Variants in BABAM2 observed in about 807,000 individuals in gnomAD.
BABAM2 encodes BRISC and BRCA1 A complex member 2.
A neutral mutation model predicts 54.7 loss-of-function variants in BABAM2; 31 were observed. The observed-to-expected ratio is 0.57, with a 90% CI of 0.43 to 0.77. The LOEUF (loss-of-function observed/expected upper bound fraction) is 0.77. Ranked by LOEUF, BABAM2 falls within the 30% of genes least tolerant of loss-of-function variation. The pLI, the probability that BABAM2 is intolerant of heterozygous loss-of-function variation, is 0.00. For missense variants in BABAM2, 364 were observed against 455.8 expected, an observed-to-expected ratio of 0.80 and a Z score of 1.83; for synonymous variants, 167 against 162.9, an observed-to-expected ratio of 1.03 and a Z score of -0.19.
At chr2:28,142,895 A>C (rs1671182799) in intron 7 of BABAM2, among the ~76,000 whole-genome samples, 1 of 152,136 alleles carries the variant, frequency 6.6e-6, no homozygotes, top group Non-Finnish European at 1.5e-5. Context: ...TTTTGTGTTC[A>C]TTCAATATGA....
At chr2:28,201,716 G>A (rs1180881773) in intron 7 of BABAM2, among the ~76,000 whole-genome samples, 4 of 152,102 alleles carry the variant, frequency 2.6e-5, no homozygotes, top group South Asian at 2.1e-4. Context: ...TCTCCGCTTC[G>A]TAGCCTCAAC....
chr2:28,143,144 A>AATATATAT (rs144484983), intron 7 of BABAM2, among the ~76,000 whole-genome samples: 1 of 149,892 alleles, frequency 6.7e-6, no homozygotes, highest in African/African-American at 2.4e-5. Context: ...TGGATAAAGA[A>AATATATAT]ATATATATAT....
chr2:28,026,843 A>AATATATATTTATATATATATAT (rs1553414445), intron 5 of BABAM2, among the ~76,000 whole-genome samples: 2 of 40,648 alleles, frequency 4.9e-5, no homozygotes, highest in Admixed American at 3.5e-4. Context: ...AATATATATA[A>AATATATATTTATATATATATAT]ATATATATTT....
intron 2 of BABAM2, among the ~76,000 whole-genome samples, chr2:27,906,844 C>T (rs1354004255): frequency 2.0e-5 from 3 of 151,992 alleles, no homozygotes; most frequent in Non-Finnish European, 4.4e-5. Context: ...GTCTTTTGTC[C>T]CCTCTATTGT....
At chr2:27,945,144 C>T (rs1357534188) in intron 3 of BABAM2, among the ~76,000 whole-genome samples, 1 of 152,008 alleles carries the variant, frequency 6.6e-6, no homozygotes, top group African/African-American at 2.4e-5. Context: ...CTCAGCCTCC[C>T]AAATAGCTGG....
chr2:28,150,130 C>G (rs931636087), intron 7 of BABAM2, among the ~76,000 whole-genome samples: 2 of 152,188 alleles, frequency 1.3e-5, no homozygotes, highest in Non-Finnish European at 1.5e-5. Flanking sequence ...CATATAGAAT[C>G]TCATTTCATC....
intron 6 of BABAM2, among the ~76,000 whole-genome samples, chr2:28,081,897 A>G (rs1300559649): frequency 1.3e-5 from 2 of 152,256 alleles, no homozygotes; most frequent in East Asian, 1.9e-4. Flanking sequence ...ATGTTTTTAC[A>G]TGCAGTTTTT....
intron 5 of BABAM2, among the ~76,000 whole-genome samples, chr2:28,038,252 G>A (rs1444863202): frequency 6.6e-6 from 1 of 151,962 alleles, no homozygotes; most frequent in African/African-American, 2.4e-5. Flanking sequence ...GTGGTCTTTT[G>A]ACTTAGCTTT....
intron 10 of BABAM2, among the ~76,000 whole-genome samples, chr2:28,284,369 C>G (rs1686624613): frequency 6.8e-6 from 1 of 148,038 alleles, no homozygotes; most frequent in African/African-American, 2.5e-5. Context: ...CCTAAATATA[C>G]AAAGATTGAT....
intron 7 of BABAM2, among the ~76,000 whole-genome samples, chr2:28,188,424 A>C (rs1453006031): frequency 1.3e-5 from 2 of 152,252 alleles, no homozygotes; most frequent in Non-Finnish European, 2.9e-5. Flanking sequence ...TTTTTAAACT[A>C]TACTGAGAAG....
At chr2:27,993,810 G>A (rs911213223) in intron 4 of BABAM2, among the ~76,000 whole-genome samples, 36 of 152,194 alleles carry the variant, frequency 2.4e-4, no homozygotes, top group African/African-American at 8.4e-4. Flanking sequence ...GAATGTAAGA[G>A]TACCAATGCC....
chr2:28,150,984 C>G (rs1415805527), intron 7 of BABAM2, among the ~76,000 whole-genome samples: 1 of 152,240 alleles, frequency 6.6e-6, no homozygotes, highest in Non-Finnish European at 1.5e-5. Context: ...TCCCACAGCT[C>G]TGACTCTTTA....
At position 28,137,702 on chromosome 2, in the gene BABAM2, GT is replaced by G. The variant is rs544721689; in HGVS notation, c.680+8327del. 4.5e-3 allele frequency among the ~76,000 whole-genome samples: 690 copies of G among 152,282 alleles called. 3 individuals are homozygous for G. Among genetic ancestry groups the G allele is most frequent in the African/African-American group, 0.016 (663 of 41,562 alleles). On this transcript the variant is annotated intron_variant, in intron 7 of 11. Transcript: ENST00000379624. ...CCACTTAAGTTAGTGATATCTCAGT[GT>G]TTTTATCTAGCTTCCTTTTTAGGCA...
chr2:27,998,892 G>A (rs1426744002), intron 4 of BABAM2, among the ~76,000 whole-genome samples: 1 of 152,182 alleles, frequency 6.6e-6, no homozygotes, highest in East Asian at 1.9e-4. Flanking sequence ...GCTAATATAT[G>A]TATAGCATTG....
At chr2:28,281,021 C>G (rs1289994440) in intron 10 of BABAM2, among the ~76,000 whole-genome samples, 1 of 152,152 alleles carries the variant, frequency 6.6e-6, no homozygotes, top group Non-Finnish European at 1.5e-5. Flanking sequence ...TGGAACTTTC[C>G]TTTCTCTTTT....
intron 10 of BABAM2, among the ~76,000 whole-genome samples, chr2:28,245,381 T>G (rs1682825123): frequency 6.6e-6 from 1 of 152,236 alleles, no homozygotes; most frequent in South Asian, 2.1e-4. Context: ...TCTACAACTT[T>G]GATAAAATGT....
At chr2:28,025,146 A>G in intron 4 of BABAM2, 80 bp from the exon 5 acceptor site, 1 of 1,283,130 alleles carries the variant, frequency 7.8e-7, no homozygotes, top group South Asian at 1.5e-5. Flanking sequence ...CTTTTCCTCT[A>G]CATTGATGTG....
intron 10 of BABAM2, among the ~76,000 whole-genome samples, chr2:28,293,621 C>T (rs1369918280): frequency 6.6e-6 from 1 of 152,238 alleles, no homozygotes; most frequent in East Asian, 1.9e-4. Context: ...TCCCCCAGGG[C>T]TTCAGAGCCT....
intron 10 of BABAM2, among the ~76,000 whole-genome samples, chr2:28,284,576 G>A (rs1686641900): frequency 5.9e-5 from 9 of 152,226 alleles, no homozygotes; most frequent in Middle Eastern, 6.8e-3. Flanking sequence ...TCTGTGGTCC[G>A]GTTTGGCTGC....
Sources: gnomAD v4.1 joint callset for allele counts (sites outside exome capture counted in the v4.1 genomes callset) on GRCh38, gnomAD v4.1.1 for gene constraint, MANE v1.5 for transcripts, NCBI Gene and HGNC (gene_info 2026-07-23, HGNC 2026-07-21) for gene names.